The following ALPK3 variants were observed in gnomAD, a reference collection of about 807,000 sequenced individuals.
ALPK3 encodes the protein alpha-protein kinase 3.
In ALPK3, 102 loss-of-function variants were observed where a neutral mutation model predicts 140.0. That is an observed-to-expected ratio of 0.73 (90% CI 0.62 to 0.86). ALPK3 has a LOEUF of 0.86. ALPK3 is among the 40% of genes least tolerant of loss of function. ALPK3 has a pLI of 0.00. For missense variants in ALPK3, 2,254 were observed against 2,208.2 expected, an observed-to-expected ratio of 1.02 and a Z score of -0.42; for synonymous variants, 938 against 898.5, an observed-to-expected ratio of 1.04 and a Z score of -0.79.
intron 5 of ALPK3, among the ~76,000 whole-genome samples, chr15:84,854,198 A>G (rs896226553): frequency 1.6e-5 from 2 of 128,042 alleles, no homozygotes; most frequent in African/African-American, 5.6e-5. Flanking sequence ...TTTATATAAT[A>G]CCATTAATTA....
At chr15:84,833,661 G>A (rs1434284465) in intron 3 of ALPK3, among the ~76,000 whole-genome samples, 1 of 152,226 alleles carries the variant, frequency 6.6e-6, no homozygotes, top group Admixed American at 6.5e-5. Context: ...GTCAGGCAGA[G>A]GTGATGCTTT....
At chr15:84,865,694 C>G (rs763774930) in intron 12 of ALPK3, among the ~76,000 whole-genome samples, 3 of 152,234 alleles carry the variant, frequency 2.0e-5, no homozygotes, top group Non-Finnish European at 2.9e-5. Flanking sequence ...CGCGGAGGCT[C>G]ACGCCTGTAA....
intron 9 of ALPK3, 150 bp from the exon 10 acceptor site, chr15:84,862,485 C>G (rs748892507): frequency 3.3e-5 from 30 of 907,252 alleles, no homozygotes; most frequent in Non-Finnish European, 4.8e-5. Flanking sequence ...CTGGTGGGGA[C>G]TTAATGTGCC....
At chr15:84,848,518 C>T (rs192591516) in intron 5 of ALPK3, among the ~76,000 whole-genome samples, 2 of 151,852 alleles carry the variant, frequency 1.3e-5, no homozygotes, top group African/African-American at 4.8e-5. Flanking sequence ...AAAAGATGTT[C>T]TAATCTAAAA....
At position 84,827,506 on chromosome 15, in the gene ALPK3, G is replaced by A. The variant is rs751801920; in HGVS notation, c.205G>A (p.Ala69Thr). The change falls in exon 3 of 14, where the codon GCT (alanine) becomes ACT (threonine). Residue 69 changes from alanine to threonine, a missense_variant. This residue lies in a region of ALPK3 where 2,088 missense variants were observed against 2,022.9 expected (regional missense o/e 1.03). Coordinates refer to ENST00000258888, the MANE Select transcript of ALPK3 (RefSeq NM_020778.5). ...TAGGAGCACCTTCTGCTCCATCATT[G>A]CTCAGCTCACAGAGGAGACCCAGCC... ...SGRSTFCSII[A>T]QLTEETQPLF... The A allele has an allele frequency of 1.9e-6, 3 of 1,614,136 alleles. No homozygotes were observed. Among genetic ancestry groups the A allele is most frequent in the Non-Finnish European group, 2.5e-6 (3 of 1,179,986 alleles).
chr15:84,818,658 C>T (rs550838817), intron 1 of ALPK3, among the ~76,000 whole-genome samples: 3 of 152,304 alleles, frequency 2.0e-5, no homozygotes, highest in Non-Finnish European at 2.9e-5. Flanking sequence ...CTGGGCACTT[C>T]CTCGTGAATT....
Position 84,823,273 on chromosome 15 carries a change from C to T in ALPK3, c.144-57C>T, listed in dbSNP as rs1049888262. 33 of 1,596,452 alleles carry T rather than the reference C, an allele frequency of 2.1e-5. No individual in the cohort carries two copies. The Admixed American group carries it at 2.3e-4, about 11-fold the overall frequency. On this transcript the variant is annotated intron_variant, in intron 1 of 13. Transcript: ENST00000258888. ...ATTAATAGTTTGCGACTGTTGATTT[C>T]GCCTACTTCCTTCTTGCTTTTTTGG...
chr15:84,867,740 G>A (rs894625987), intron 13 of ALPK3, among the ~76,000 whole-genome samples: 4 of 152,122 alleles, frequency 2.6e-5, no homozygotes, highest in African/African-American at 7.2e-5. Flanking sequence ...AAAGTCCTGC[G>A]TGATGGATTC....
At chr15:84,819,911 A>G (rs1012785068) in intron 1 of ALPK3, among the ~76,000 whole-genome samples, 1 of 152,084 alleles carries the variant, frequency 6.6e-6, no homozygotes, top group African/African-American at 2.4e-5. Flanking sequence ...CTATCTCCCT[A>G]TGCACCTCTC....
At chr15:84,825,473 C>A (rs1963476964) in intron 2 of ALPK3, among the ~76,000 whole-genome samples, 1 of 152,210 alleles carries the variant, frequency 6.6e-6, no homozygotes, top group Non-Finnish European at 1.5e-5. Flanking sequence ...CTGCACCTGG[C>A]CTGTTTTTCA....
Position 84,857,504 on chromosome 15 carries a change from T to C in ALPK3, c.2766T>C (p.Ser922=). Residue 922 remains serine, a synonymous_variant, in exon 6 of 14, where the codon AGT becomes AGC. Coordinates refer to ENST00000258888, the MANE Select transcript of ALPK3 (RefSeq NM_020778.5). ...TGGGGCTGGGGACCCCCACTCAGAG[T>C]CACCCACCAGAAACCATGGCCACCA... The part of the protein sequence containing the change: ...LHLGLGTPTQ[S]HPPETMATSS... The C allele has an allele frequency of 6.2e-7, 1 of 1,600,990 alleles. No homozygotes were observed.
chr15:84,819,905 C>A (rs1963403789), intron 1 of ALPK3, among the ~76,000 whole-genome samples: 1 of 152,210 alleles, frequency 6.6e-6, no homozygotes, highest in Non-Finnish European at 1.5e-5. Context: ...CAGAACCTAT[C>A]TCCCTATGCA....
Position 84,857,396 on chromosome 15 carries a change from C to T in ALPK3, c.2658C>T (p.Thr886=). 1 of 1,614,112 alleles carries T rather than the reference C, an allele frequency of 6.2e-7. No homozygotes were observed. Among genetic ancestry groups the T allele is most frequent in the African/African-American group, 1.3e-5 (1 of 75,052 alleles). The change falls in exon 6 of 14, where the codon ACC becomes ACT. Residue 886 remains threonine, a synonymous_variant. Coordinates refer to ENST00000258888, the MANE Select transcript of ALPK3 (RefSeq NM_020778.5). ...TASPKAGPCS[T]PTSQHGSTAT... Reference sequence around the variant, plus strand: ...GCCCAAAGGCGGGGCCGTGTAGCACCCCGACTTCTCAGCACGGGAGCACAG... The same window carrying T: ...GCCCAAAGGCGGGGCCGTGTAGCACTCCGACTTCTCAGCACGGGAGCACAG...
intron 5 of ALPK3, among the ~76,000 whole-genome samples, chr15:84,843,621 A>G (rs1179747378): frequency 1.3e-5 from 2 of 152,222 alleles, no homozygotes; most frequent in Admixed American, 6.5e-5. Flanking sequence ...AAATATCTCA[A>G]TCCCTGAAAT....
In ALPK3 at chr15:84,857,990, C is replaced by T; in HGVS notation, c.3252C>T (p.Ala1084=). The T allele has an allele frequency of 1.2e-6, 2 of 1,600,814 alleles. No homozygotes were observed. Among genetic ancestry groups the T allele is most frequent in the Non-Finnish European group, 1.7e-6 (2 of 1,174,108 alleles). Residue 1084 remains alanine (A), a synonymous_variant, in exon 6 of 14, where the codon GCC becomes GCT. Transcript: ENST00000258888. ...IVVDEEDPGL[A]SEGASEGEGE... ...TAGACGAGGAGGACCCTGGGCTGGC[C>T]TCAGAAGGAGCCAGTGAGGGTGAAG...
At chr15:84,864,730 A>G in intron 12 of ALPK3, 65 bp downstream of exon 12, 1 of 1,512,910 alleles carries the variant, frequency 6.6e-7, no homozygotes, top group Admixed American at 1.7e-5. Context: ...AGAGGAGGCA[A>G]AGCCATAGTG....
chr15:84,867,407 T>C (rs763750415), intron 13 of ALPK3, 42 bp downstream of exon 13: 39 of 1,609,222 alleles, frequency 2.4e-5, no homozygotes, highest in Non-Finnish European at 3.2e-5. Context: ...GGGCGTCTTC[T>C]CAGGGTGTAA....
At chr15:84,841,586 G>A (rs978729759) in intron 5 of ALPK3, among the ~76,000 whole-genome samples, 2 of 152,204 alleles carry the variant, frequency 1.3e-5, no homozygotes, top group Admixed American at 6.5e-5. Flanking sequence ...ACTATGGTGG[G>A]AAACAGAGGC....
At chr15:84,850,945 C>G (rs1466990703) in intron 5 of ALPK3, among the ~76,000 whole-genome samples, 1 of 150,954 alleles carries the variant, frequency 6.6e-6, no homozygotes, top group Non-Finnish European at 1.5e-5. Flanking sequence ...TTAGAGGGGT[C>G]AGCCCTTGTA....
Sources: gnomAD v4.1 joint callset for allele counts (sites outside exome capture counted in the v4.1 genomes callset) on GRCh38, gnomAD v4.1.1 for gene constraint, gnomAD v4.1.1 regional missense constraint, MANE v1.5 for transcripts, NCBI Gene and HGNC (gene_info 2026-07-23, HGNC 2026-07-21) for gene names.